The following MYLK variants were observed in gnomAD, a reference collection of about 807,000 sequenced individuals.
MYLK encodes myosin light chain kinase, also known as myosin light chain kinase, smooth muscle.
In MYLK, 106 loss-of-function variants were observed where a neutral mutation model predicts 203.4. The observed-to-expected ratio is 0.52, with a 90% CI of 0.45 to 0.61. MYLK has a LOEUF of 0.61. Ranked by LOEUF, MYLK falls within the 20% of genes least tolerant of loss-of-function variation. MYLK has a pLI of 0.00. For synonymous variants in MYLK, 867 were observed against 959.5 expected, an observed-to-expected ratio of 0.90 and a Z score of 1.78; for missense variants, 2,072 against 2,442.3, an observed-to-expected ratio of 0.85 and a Z score of 3.20.
chr3:123,856,358 T>C (rs2031372042), intron 2 of MYLK, among the ~76,000 whole-genome samples: 1 of 152,164 alleles, frequency 6.6e-6, no homozygotes, highest in Non-Finnish European at 1.5e-5. Flanking sequence ...GGGTACCAGG[T>C]TGAATGAGGC....
intron 4 of MYLK, among the ~76,000 whole-genome samples, chr3:123,763,113 T>A (rs542858828): frequency 1.3e-5 from 2 of 152,346 alleles, no homozygotes; most frequent in South Asian, 4.1e-4. Flanking sequence ...CCATGCCACA[T>A]AGTATATTAC....
chr3:123,679,597 C>T (rs2060193994), intron 20 of MYLK, among the ~76,000 whole-genome samples: 1 of 152,120 alleles, frequency 6.6e-6, no homozygotes, highest in South Asian at 2.1e-4. Flanking sequence ...TGTGTAGAGA[C>T]ACACACTCCC....
intron 4 of MYLK, among the ~76,000 whole-genome samples, chr3:123,776,512 A>G (rs751728698): frequency 1.6e-4 from 24 of 152,258 alleles, no homozygotes; most frequent in Admixed American, 1.6e-3. Context: ...TATAAAAGGA[A>G]ACGTTGGAAA....
At chr3:123,730,510 A>C (rs1217219797) in intron 11 of MYLK, among the ~76,000 whole-genome samples, 1 of 152,232 alleles carries the variant, frequency 6.6e-6, no homozygotes, top group Non-Finnish European at 1.5e-5. Flanking sequence ...ATGGACCTTA[A>C]GTGATGCGTG....
intron 19 of MYLK, among the ~76,000 whole-genome samples, chr3:123,685,860 T>C (rs2108481100): frequency 6.6e-6 from 1 of 152,316 alleles, no homozygotes; most frequent in Admixed American, 6.5e-5. Flanking sequence ...TGCAGCACTT[T>C]ATCTTTCCAT....
At chr3:123,665,337 T>C (rs1315493042) in intron 22 of MYLK, among the ~76,000 whole-genome samples, 1 of 152,206 alleles carries the variant, frequency 6.6e-6, no homozygotes, top group African/African-American at 2.4e-5. Flanking sequence ...TGAAAAGTGA[T>C]GAGATTCCAT....
rs1213216369 is a variant in MYLK, at chr3:123,611,730, A to G, written c.*2375T>C. On this transcript the variant is annotated 3_prime_UTR_variant, in exon 34 of 34. Coordinates refer to ENST00000360304, the MANE Select transcript of MYLK (RefSeq NM_053025.4). ...CTCATCATAATGTAGAATCAGTGGA[A>G]GCCCTGAGCTTGTTTTCCTGCAACT... The G allele has an allele frequency of 1.2e-5, 2 of 163,826 alleles. No homozygotes were observed. Among genetic ancestry groups the G allele is most frequent in the East Asian group, 3.5e-4 (2 of 5,684 alleles). 10.1% of individuals were successfully genotyped at this position (163,826 alleles called of 1,614,324 possible). A position where few individuals can be genotyped will look rare whatever the true frequency, so the allele number is the denominator to read the frequency against.
intron 3 of MYLK, among the ~76,000 whole-genome samples, chr3:123,801,246 AAGGGACCCTGGAAGAGTCTC>A (rs1257634846): frequency 1.3e-5 from 2 of 152,216 alleles, no homozygotes; most frequent in African/African-American, 2.4e-5. Context: ...CTTGGACCTC[AAGGGACCCTGGAAGAGTCTC>A]AGGGACATCC....
At chr3:123,734,409 A>C in intron 9 of MYLK, 187 bp from the exon 10 acceptor site, 2 of 579,114 alleles carry the variant, frequency 3.5e-6, no homozygotes, top group Non-Finnish European at 5.8e-6. Flanking sequence ...CAGCACAAGC[A>C]GCCATTCCCG....
Position 123,629,087 on chromosome 3 carries a change from T to G in MYLK, c.5114+387A>C, listed in dbSNP as rs1212308249. Among the ~76,000 whole-genome samples the G allele has an allele frequency of 6.6e-6, 1 of 152,064 alleles. No homozygotes were observed. Among genetic ancestry groups the G allele is most frequent in the South Asian group, 2.1e-4 (1 of 4,810 alleles). ...GCCCGTGTCCTCTGCTCTTGCTTGT[T>G]GAGAGGGTCCTTCCCCTGCAGCCCC... On this transcript the variant is annotated intron_variant, in intron 30 of 33. Coordinates refer to ENST00000360304, the MANE Select transcript of MYLK (RefSeq NM_053025.4). This position sits in a 1 kb window ranked among gnomAD's most constrained non-coding sequence, Gnocchi z 4.4.
chr3:123,719,728 G>A (rs1038964585), intron 13 of MYLK, among the ~76,000 whole-genome samples: 10 of 152,214 alleles, frequency 6.6e-5, no homozygotes, highest in Middle Eastern at 3.2e-3. Flanking sequence ...CCGTGGCCTG[G>A]TGCCACACTA....
chr3:123,835,326 A>G (rs2066448855), intron 2 of MYLK, among the ~76,000 whole-genome samples: 1 of 152,172 alleles, frequency 6.6e-6, no homozygotes, highest in Non-Finnish European at 1.5e-5. Context: ...AATCAGTCAC[A>G]AGAGAGATTT....
chr3:123,695,607 G>C (rs915629743), intron 18 of MYLK, among the ~76,000 whole-genome samples: 2 of 152,036 alleles, frequency 1.3e-5, no homozygotes, highest in African/African-American at 4.8e-5. Context: ...CACAACAAAG[G>C]GCATTAGAAT....
intron 3 of MYLK, among the ~76,000 whole-genome samples, chr3:123,795,730 A>T (rs2064962011): frequency 6.6e-6 from 1 of 152,170 alleles, no homozygotes; most frequent in African/African-American, 2.4e-5. Flanking sequence ...TTACCACAAA[A>T]TCCCTGATGA....
intron 2 of MYLK, among the ~76,000 whole-genome samples, chr3:123,852,554 TTCTGTGGGA>T (rs1049709640): frequency 5.7e-4 from 87 of 152,338 alleles, no homozygotes; most frequent in Admixed American, 2.6e-3. Context: ...TAGTTTGTAT[TTCTGTGGGA>T]TCGGTGGTGA....
intron 2 of MYLK, among the ~76,000 whole-genome samples, chr3:123,835,586 T>C (rs2066456804): frequency 6.6e-6 from 1 of 152,186 alleles, no homozygotes. Context: ...AATACAGTTA[T>C]ATGGTTTGAA....
intron 33 of MYLK, chr3:123,616,959 T>A (rs2057533468): frequency 6.6e-6 from 1 of 152,176 alleles, no homozygotes; most frequent in South Asian, 2.1e-4. Context: ...AAATTATACA[T>A]AAGAAATCAA....
intron 29 of MYLK, among the ~76,000 whole-genome samples, chr3:123,633,189 G>A (rs984615038): frequency 4.6e-5 from 7 of 152,160 alleles, no homozygotes; most frequent in Admixed American, 4.6e-4. Context: ...ACAGTGGCGT[G>A]ATCATGGCTC....
chr3:123,670,343 C>A (rs1402888115), intron 20 of MYLK, among the ~76,000 whole-genome samples: 3 of 152,080 alleles, frequency 2.0e-5, no homozygotes, highest in Admixed American at 6.6e-5. Context: ...GGAGAACCCA[C>A]AGGTCAGGAA....
Sources: gnomAD v4.1 joint callset for allele counts (sites outside exome capture counted in the v4.1 genomes callset) on GRCh38, gnomAD v4.1.1 for gene constraint, Gnocchi (gnomAD v3.1) non-coding constraint, MANE v1.5 for transcripts, NCBI Gene and HGNC (gene_info 2026-07-23, HGNC 2026-07-21) for gene names.